FSHR: variants seen among roughly 807,000 people sequenced by gnomAD.
FSHR encodes follicle stimulating hormone receptor.
In FSHR, 46 loss-of-function variants were observed where a neutral mutation model predicts 52.1. That is an observed-to-expected ratio of 0.88 (90% CI 0.70 to 1.13). The LOEUF (loss-of-function observed/expected upper bound fraction) is 1.13, where lower values mean the gene tolerates loss of function less well. Ranked by LOEUF, FSHR falls within the 50% of genes most tolerant of loss-of-function variation. The probability of loss-of-function intolerance (pLI) is 0.00; values close to 1 mark genes in which losing one functional copy is unlikely to be tolerated. For synonymous variants in FSHR, 399 were observed against 309.6 expected, an observed-to-expected ratio of 1.29 and a Z score of -3.03; for missense variants, 964 against 834.6, an observed-to-expected ratio of 1.16 and a Z score of -1.91.
At chr2:49,111,488 C>T (rs1168934607) in intron 1 of FSHR, among the ~76,000 whole-genome samples, 1 of 152,132 alleles carries the variant, frequency 6.6e-6, no homozygotes, top group African/African-American at 2.4e-5. Context: ...TATTATTAGA[C>T]AATTTTTCTT....
intron 1 of FSHR, among the ~76,000 whole-genome samples, chr2:49,092,173 C>T (rs1395230178): frequency 5.9e-5 from 9 of 152,168 alleles, no homozygotes; most frequent in African/African-American, 1.7e-4. Flanking sequence ...TCTAATTGTT[C>T]GCTGCTAAAT....
At chr2:48,976,946 CT>C (rs1675017273) in intron 8 of FSHR, among the ~76,000 whole-genome samples, 1 of 152,048 alleles carries the variant, frequency 6.6e-6, no homozygotes. Flanking sequence ...CCTGGATTTA[CT>C]GACGTTTTTG....
chr2:49,109,383 T>C (rs142149042), intron 1 of FSHR, among the ~76,000 whole-genome samples: 1 of 152,210 alleles, frequency 6.6e-6, no homozygotes, highest in East Asian at 1.9e-4. Context: ...CATTTAAGTG[T>C]TTTATCTGGG....
chr2:49,075,480 A>T (rs1241375642), intron 1 of FSHR, among the ~76,000 whole-genome samples: 2 of 152,200 alleles, frequency 1.3e-5, no homozygotes. Flanking sequence ...CTTTGGAAGG[A>T]TTAAGACTAG....
chr2:48,988,964 C>G lies in FSHR; in HGVS notation c.524+13G>C. ...CAAATGTTACTCTGTTGGATTTTTT[C>G]CCCCTTACTTACAGAATCACACTTT... On this transcript the variant is annotated intron_variant, in intron 6 of 9. Coordinates refer to ENST00000406846, the MANE Select transcript of FSHR (RefSeq NM_000145.4). 1 of 1,607,442 alleles carries G rather than the reference C, an allele frequency of 6.2e-7. No individual in the cohort carries two copies. The highest frequency in any genetic ancestry group is 1.1e-5 in the South Asian group (1 of 90,922).
intron 2 of FSHR, among the ~76,000 whole-genome samples, chr2:49,063,432 C>CTATA (rs34150512): frequency 2.4e-4 from 36 of 149,068 alleles, no homozygotes; most frequent in African/African-American, 6.7e-4. Flanking sequence ...AAAGAAAATG[C>CTATA]TATATATATA....
chr2:49,079,482 C>T (rs1025864015), intron 1 of FSHR, among the ~76,000 whole-genome samples: 2 of 151,648 alleles, frequency 1.3e-5, no homozygotes, highest in South Asian at 4.1e-4. Context: ...GATTGGCATA[C>T]CAGGAAATAT....
rs1558457105 is a variant in FSHR at position 49,127,898 on chromosome 2, C to CTTCTTCTTCTTT, written c.152+26367_152+26368insAAAGAAGAAGAA. Among the ~76,000 whole-genome samples the CTTCTTCTTCTTT allele has an allele frequency of 4.0e-3, 110 of 27,232 alleles. 20 individuals are homozygous for CTTCTTCTTCTTT. The highest frequency in any genetic ancestry group is 6.6e-3 in the East Asian group (6 of 914). The allele number at this position is 27,232 out of a possible 152,430, so 17.9% of individuals were successfully genotyped here. Reference sequence around the variant, plus strand: ...TCTTCTTCTTCTTCTTCTTCTTCTTCTTTTTTTTTTTTGAGACGGAGTCTT... The same window carrying CTTCTTCTTCTTT: ...TCTTCTTCTTCTTCTTCTTCTTCTTCTTCTTCTTCTTTTTTTTTTTTTTTGAGACGGAGTCTT... On this transcript the variant is annotated intron_variant, in intron 1 of 9. Transcript: ENST00000406846.
In FSHR at chr2:49,138,858, GT is replaced by G. The variant is rs968044053; in HGVS notation, c.152+15407del. 1.5e-4 allele frequency among the ~76,000 whole-genome samples: 23 copies of G among 151,506 alleles called. No individual in the cohort carries two copies. In the East Asian group the frequency reaches 2.1e-3, roughly 14 times the overall value. ...TGTATGTGAGTTATAGCTCAAAGCT[GT>G]TTTTTTTTAATAATGCAAAAGTAAA... On this transcript the variant is annotated intron_variant, in intron 1 of 9. Transcript: ENST00000406846.
intron 2 of FSHR, among the ~76,000 whole-genome samples, chr2:49,042,458 C>A (rs72827288): frequency 0.045 from 6,858 of 152,242 alleles, 386 homozygotes; most frequent in East Asian, 0.21. Context: ...TCACAAGGGG[C>A]AGGGAAAATA....
At chr2:49,032,262 T>C (rs1308491744) in intron 2 of FSHR, among the ~76,000 whole-genome samples, 1 of 152,212 alleles carries the variant, frequency 6.6e-6, no homozygotes, top group Non-Finnish European at 1.5e-5. Flanking sequence ...TATTTTATCA[T>C]AGTCAGGCTG....
chr2:49,111,207 A>G (rs1206334595), intron 1 of FSHR, among the ~76,000 whole-genome samples: 1 of 152,150 alleles, frequency 6.6e-6, no homozygotes, highest in Non-Finnish European at 1.5e-5. Context: ...CTTCTTTGAC[A>G]GACAAAGGGC....
chr2:49,005,030 A>G (rs756660746), intron 4 of FSHR, among the ~76,000 whole-genome samples: 2 of 152,080 alleles, frequency 1.3e-5, no homozygotes, highest in Non-Finnish European at 1.5e-5. Context: ...TGAGTTTAGC[A>G]TTACCTTTTT....
intron 8 of FSHR, among the ~76,000 whole-genome samples, chr2:48,970,850 C>G (rs1330275342): frequency 6.6e-6 from 1 of 152,162 alleles, no homozygotes; most frequent in Non-Finnish European, 1.5e-5. Context: ...AACCTGGGTG[C>G]CATCCTTGAC....
intron 2 of FSHR, among the ~76,000 whole-genome samples, chr2:49,037,852 G>A (rs1353494917): frequency 6.6e-6 from 1 of 152,132 alleles, no homozygotes; most frequent in East Asian, 1.9e-4. Context: ...AATGATGAAA[G>A]AGGAAGAGGA....
In FSHR at chr2:49,106,640, G is replaced by A. The variant is rs1415053511; in HGVS notation, c.153-38350C>T. 3.9e-5 allele frequency among the ~76,000 whole-genome samples: 6 copies of A among 152,288 alleles called. 1 individual carries two copies. In the East Asian group the frequency reaches 1.2e-3, roughly 29 times the overall value. The stretch of plus-strand genomic sequence containing the variant: ...AACCAAACTGCAGGCTCATGAGCAT[G>A]GAGCAATGTTCTTGACACCGAATCT... On this transcript the variant is annotated intron_variant, in intron 1 of 9. Transcript: ENST00000406846.
chr2:49,052,464 G>C (rs1668899133), intron 2 of FSHR, among the ~76,000 whole-genome samples: 1 of 152,072 alleles, frequency 6.6e-6, no homozygotes, highest in Non-Finnish European at 1.5e-5. Flanking sequence ...AATCATCAAG[G>C]GAGCTTTAAA....
intron 1 of FSHR, among the ~76,000 whole-genome samples, chr2:49,135,772 T>A (rs1000346879): frequency 6.6e-6 from 1 of 152,192 alleles, no homozygotes; most frequent in African/African-American, 2.4e-5. Flanking sequence ...TGTATGTGTA[T>A]TGTATACTGT....
At chr2:49,021,015 G>C (rs1260947906) in intron 2 of FSHR, among the ~76,000 whole-genome samples, 2 of 152,116 alleles carry the variant, frequency 1.3e-5, no homozygotes, top group African/African-American at 4.8e-5. Context: ...GTGATGGGTT[G>C]ATAGGTGCAG....
Sources: allele counts gnomAD v4.1 joint callset (sites outside exome capture counted in the v4.1 genomes callset), GRCh38; gene constraint gnomAD v4.1.1; transcripts MANE v1.5; gene names NCBI Gene and HGNC (gene_info 2026-07-23, HGNC 2026-07-21).